CCDC6: variants seen among roughly 807,000 people sequenced by gnomAD.
CCDC6 encodes the protein coiled-coil domain-containing protein 6.
Under a neutral mutation model 56.6 loss-of-function variants are expected in CCDC6, and 20 were observed. The ratio of observed to expected loss-of-function variants is 0.35; its 90% confidence interval spans 0.25 to 0.51. The LOEUF is 0.51. CCDC6 is among the 20% of genes least tolerant of loss of function. The probability of loss-of-function intolerance (pLI) is 0.95; values close to 1 mark genes in which losing one functional copy is unlikely to be tolerated. For missense variants in CCDC6, 367 were observed against 601.1 expected (o/e 0.61, Z 4.07); for synonymous variants, 241 against 234.4 (o/e 1.03, Z -0.26).
chr10:59,905,539 C>A (rs955851897), intron 1 of CCDC6, among the ~76,000 whole-genome samples: 4 of 152,182 alleles, frequency 2.6e-5, no homozygotes, highest in Non-Finnish European at 5.9e-5. Context: ...GGAGCATTAG[C>A]GCCGTACCCG....
chr10:59,854,982 C>A (rs909039463), intron 1 of CCDC6, among the ~76,000 whole-genome samples: 1 of 152,186 alleles, frequency 6.6e-6, no homozygotes, highest in East Asian at 1.9e-4. Flanking sequence ...AGATCAGACT[C>A]AACTTCTTGC....
At chr10:59,862,516 TAC>T (rs60162547) in intron 1 of CCDC6, among the ~76,000 whole-genome samples, 2,752 of 97,056 alleles carry the variant, frequency 0.028, 140 homozygotes, top group East Asian at 0.084. Flanking sequence ...TATATATATA[TAC>T]ACACACACAC....
chr10:59,827,790 C>A (rs2070800774), intron 3 of CCDC6, among the ~76,000 whole-genome samples: 1 of 152,156 alleles, frequency 6.6e-6, no homozygotes, highest in African/African-American at 2.4e-5. Flanking sequence ...GGGCCAACTA[C>A]AGGAAGGAAA....
At chr10:59,842,468 T>C (rs2070948093) in intron 2 of CCDC6, among the ~76,000 whole-genome samples, 1 of 152,252 alleles carries the variant, frequency 6.6e-6, no homozygotes, top group Admixed American at 6.5e-5. Flanking sequence ...TCATGACTTT[T>C]TCTTTTTATT....
intron 2 of CCDC6, among the ~76,000 whole-genome samples, chr10:59,850,196 A>T (rs982756412): frequency 1.3e-5 from 2 of 152,186 alleles, no homozygotes; most frequent in Non-Finnish European, 2.9e-5. Flanking sequence ...GACGAGGGGA[A>T]GAGAATGGGC....
At chr10:59,859,154 T>G in intron 1 of CCDC6, among the ~76,000 whole-genome samples, 1 of 151,466 alleles carries the variant, frequency 6.6e-6, no homozygotes, top group African/African-American at 2.4e-5. Flanking sequence ...CAAGGATTAA[T>G]GAGAATACAA....
intron 1 of CCDC6, among the ~76,000 whole-genome samples, chr10:59,855,803 A>C (rs775168334): frequency 1.1e-4 from 17 of 152,320 alleles, no homozygotes; most frequent in Non-Finnish European, 1.9e-4. Flanking sequence ...ACTCATAATC[A>C]ACACACTGTA....
intron 7 of CCDC6, among the ~76,000 whole-genome samples, chr10:59,802,276 A>C (rs1373640890): frequency 6.6e-6 from 1 of 152,228 alleles, no homozygotes; most frequent in East Asian, 1.9e-4. Context: ...AAGTTAGTGA[A>C]GTTAGTGAAA....
chr10:59,864,174 G>A (rs2071158078), intron 1 of CCDC6, among the ~76,000 whole-genome samples: 1 of 152,102 alleles, frequency 6.6e-6, no homozygotes, highest in Non-Finnish European at 1.5e-5. Context: ...CAAAGTAGAA[G>A]AAAGTTCCCC....
chr10:59,854,303 C>T (rs868461811), intron 1 of CCDC6, among the ~76,000 whole-genome samples: 6 of 152,178 alleles, frequency 3.9e-5, no homozygotes, highest in African/African-American at 7.2e-5. Flanking sequence ...CCTCCCTGCT[C>T]CCCATCACTG....
intron 1 of CCDC6, among the ~76,000 whole-genome samples, chr10:59,890,368 C>T (rs1294804644): frequency 6.6e-6 from 1 of 152,158 alleles, no homozygotes; most frequent in Non-Finnish European, 1.5e-5. Context: ...CCTGAGAAGA[C>T]TCCAAAGAGC....
At chr10:59,875,702 A>C (rs956374476) in intron 1 of CCDC6, among the ~76,000 whole-genome samples, 8 of 152,120 alleles carry the variant, frequency 5.3e-5, no homozygotes, top group Admixed American at 5.2e-4. Context: ...TCTTCCATCA[A>C]CCCTAATATT....
chr10:59,816,768 ACTTGT>A (rs1450516956), intron 3 of CCDC6, among the ~76,000 whole-genome samples: 5 of 152,200 alleles, frequency 3.3e-5, no homozygotes, highest in African/African-American at 4.8e-5. Context: ...CCTACAAGGG[ACTTGT>A]CTTGTCTGTT....
chr10:59,862,570 TAC>T (rs907275659), intron 1 of CCDC6, among the ~76,000 whole-genome samples: 20 of 96,388 alleles, frequency 2.1e-4, no homozygotes, highest in Admixed American at 7.6e-4. Context: ...TATATACACA[TAC>T]ACACACACAC....
At chr10:59,802,938 C>A (rs1037187155) in intron 7 of CCDC6, among the ~76,000 whole-genome samples, 7 of 152,158 alleles carry the variant, frequency 4.6e-5, no homozygotes, top group Admixed American at 4.6e-4. Context: ...ATCAGCATCA[C>A]CATCACAAAA....
chr10:59,841,992 G>A (rs761847391), intron 2 of CCDC6, among the ~76,000 whole-genome samples: 19 of 151,756 alleles, frequency 1.3e-4, no homozygotes, highest in Non-Finnish European at 2.5e-4. Flanking sequence ...ATTTTAAAGG[G>A]AAAGTTAACT....
chr10:59,792,461 G>C lies in CCDC6; in HGVS notation c.*456C>G, dbSNP rs2070476256. 1 of 439,388 alleles carries C rather than the reference G, an allele frequency of 2.3e-6. No homozygotes were observed. Among genetic ancestry groups the C allele is most frequent in the Non-Finnish European group, 4.3e-6 (1 of 233,132 alleles). 27.2% of individuals were successfully genotyped at this position (439,388 alleles called of 1,614,324 possible). ...GATTTTCAAAGGTCTGAATTGTAGTGCTGAATTATTGGTATGTTTGGTAAA... is the reference window on the plus strand; with the variant it reads ...GATTTTCAAAGGTCTGAATTGTAGTCCTGAATTATTGGTATGTTTGGTAAA... On this transcript the variant is annotated 3_prime_UTR_variant, in exon 9 of 9. Coordinates refer to ENST00000263102, the MANE Select transcript of CCDC6 (RefSeq NM_005436.5).
At chr10:59,835,638 C>T (rs1219089292) in intron 2 of CCDC6, among the ~76,000 whole-genome samples, 1 of 152,222 alleles carries the variant, frequency 6.6e-6, no homozygotes, top group African/African-American at 2.4e-5. Context: ...CTAAAACAAA[C>T]AGTTCTGCTG....
At chr10:59,823,621 C>A (rs1191394733) in intron 3 of CCDC6, among the ~76,000 whole-genome samples, 1 of 151,742 alleles carries the variant, frequency 6.6e-6, no homozygotes, top group Non-Finnish European at 1.5e-5. Context: ...CTTCTCTTGC[C>A]CTAATGTGAT....
Sources: gnomAD v4.1 joint callset for allele counts (sites outside exome capture counted in the v4.1 genomes callset) on GRCh38, gnomAD v4.1.1 for gene constraint, MANE v1.5 for transcripts, NCBI Gene and HGNC (gene_info 2026-07-23, HGNC 2026-07-21) for gene names.